Variants in RESP18 observed in about 807,000 individuals in gnomAD.
The protein encoded by RESP18 is regulated endocrine specific protein 18.
RESP18 carries 30 observed loss-of-function variants against 30.0 expected under a neutral mutation model. The ratio of observed to expected loss-of-function variants is 1.00; its 90% CI spans 0.75 to 1.36. The LOEUF is 1.36. Ranked by LOEUF, RESP18 falls within the 40% of genes most tolerant of loss-of-function variation. The pLI is 0.00. For missense variants in RESP18, 320 were observed against 284.2 expected (o/e 1.13, Z -0.91); for synonymous variants, 117 against 111.2 (o/e 1.05, Z -0.33).
At chr2:219,331,384 C>A (rs1309361828) in intron 2 of RESP18, among the ~76,000 whole-genome samples, 1 of 152,114 alleles carries the variant, frequency 6.6e-6, no homozygotes, top group Admixed American at 6.5e-5. Flanking sequence ...GGGAAGAGAA[C>A]CCCTAATGCT....
chr2:219,331,753 G>A lies in RESP18; in HGVS notation c.232+771C>T, dbSNP rs184146002. 1.9e-3 allele frequency among the ~76,000 whole-genome samples: 289 copies of A among 152,312 alleles called. 1 individual carries two copies. Among genetic ancestry groups the A allele is most frequent in the African/African-American group, 6.7e-3 (280 of 41,574 alleles). ...ACCCGGAGCGCGCCTGGCGCTGTCC[G>A]TGGTGCTGAGAGGTGGGGAGGCCAG... On this transcript the variant is annotated intron_variant, in intron 2 of 6. Coordinates refer to ENST00000333527, the MANE Select transcript of RESP18 (RefSeq NM_001007089.4).
intron 3 of RESP18, among the ~76,000 whole-genome samples, chr2:219,330,069 C>T (rs1409653550): frequency 1.3e-5 from 2 of 152,190 alleles, no homozygotes; most frequent in Non-Finnish European, 2.9e-5. Context: ...ATCAGAATCT[C>T]CTGCAAGGTC....
chr2:219,329,107 AT>A lies in RESP18; in HGVS notation c.555+55del, dbSNP rs1952803373. ...CCTCAATGCCCATTCCCTTCTTCCT[AT>A]CTGCCTCCCTCATTTAAACAGGTCC... is the stretch of plus-strand genomic sequence containing the variant. On this transcript the variant is annotated intron_variant, in intron 5 of 6. Coordinates refer to ENST00000333527, the MANE Select transcript of RESP18 (RefSeq NM_001007089.4). 4.0e-6 allele frequency: 6 copies of A among 1,502,566 alleles called. No homozygotes were observed. The South Asian group carries it at 7.2e-5, about 18-fold the overall frequency. 93.1% of individuals were successfully genotyped at this position (1,502,566 alleles called of 1,614,324 possible).
intron 3 of RESP18, among the ~76,000 whole-genome samples, chr2:219,330,517 C>G (rs562419115): frequency 2.0e-5 from 3 of 147,544 alleles, no homozygotes; most frequent in African/African-American, 8.0e-5. Context: ...GAGTTGGATG[C>G]TGGCCGTTTT....
At position 219,330,136 on chromosome 2, in the gene RESP18, T is replaced by C. The variant is rs530245454; in HGVS notation, c.338-372A>G. ...TAGGGCTTCTGATGCAGTAGGTCTGTGGTGAAGTTCAAAAATTCCCATTTC... is the reference window on the plus strand; with the variant it reads ...TAGGGCTTCTGATGCAGTAGGTCTGCGGTGAAGTTCAAAAATTCCCATTTC... On this transcript the variant is annotated intron_variant, in intron 3 of 6. Coordinates refer to ENST00000333527, the MANE Select transcript of RESP18 (RefSeq NM_001007089.4). Among the ~76,000 whole-genome samples, 8 of 152,370 alleles carry C rather than the reference T, an allele frequency of 5.3e-5. 2 individuals carry two copies. Among genetic ancestry groups the C allele is most frequent in the African/African-American group, 1.7e-4 (7 of 41,582 alleles).
intron 6 of RESP18, among the ~76,000 whole-genome samples, chr2:219,328,670 T>C (rs540468652): frequency 6.6e-6 from 1 of 152,098 alleles, no homozygotes; most frequent in Admixed American, 6.6e-5. Context: ...GAGTACTAGA[T>C]GGGCGGTTTC....
intron 1 of RESP18, 92 bp from the exon 1 acceptor site, chr2:219,332,836 C>T: frequency 1.0e-6 from 1 of 998,404 alleles, no homozygotes; most frequent in South Asian, 1.7e-5. Context: ...CCACCCTCAT[C>T]TCTTGGAATT....
At chr2:219,331,489 T>C (rs1012179971) in intron 2 of RESP18, among the ~76,000 whole-genome samples, 10 of 152,160 alleles carry the variant, frequency 6.6e-5, no homozygotes, top group African/African-American at 1.2e-4. Flanking sequence ...TCTGGACAGG[T>C]CTTTAGAAAA....
intron 6 of RESP18, among the ~76,000 whole-genome samples, chr2:219,328,394 T>C (rs1952794421): frequency 6.6e-6 from 1 of 152,106 alleles, no homozygotes; most frequent in African/African-American, 2.4e-5. Context: ...ATGCCCTTCC[T>C]TTACATCTTC....
rs2385405 is a variant in RESP18 at position 219,332,599 on chromosome 2, C to T, written c.157G>A (p.Glu53Lys). The change falls in exon 2 of 7, where the codon GAG becomes AAG. Residue 53 changes from glutamate to lysine, a missense_variant. Coordinates refer to ENST00000333527, the MANE Select transcript of RESP18 (RefSeq NM_001007089.4). ...AAGCAGACAAGCAGCTGGAGCCCCTCGGAGCTCCCAGGCCACAGTGGGTGC... is the reference window on the plus strand; with the variant it reads ...AAGCAGACAAGCAGCTGGAGCCCCTTGGAGCTCCCAGGCCACAGTGGGTGC... The T allele has an allele frequency of 0.31, 474,217 of 1,550,964 alleles. 85,079 individuals carry two copies. The highest frequency in any genetic ancestry group is 0.81 in the African/African-American group (59,335 of 73,036).
chr2:219,328,456 C>CT (rs1435311541), intron 6 of RESP18, among the ~76,000 whole-genome samples: 1 of 151,378 alleles, frequency 6.6e-6, no homozygotes, highest in Non-Finnish European at 1.5e-5. Context: ...AAAAAAACCT[C>CT]TTTTTTCAGT....
In RESP18 at chr2:219,332,549, C is replaced by T; in HGVS notation, c.207G>A (p.Gly69=). The stretch of plus-strand genomic sequence containing the variant: ...CGTGGGCACTAGTGTCGCTGCAGCC[C>T]CCCGGGCAGCTGTTCAGCAGCAGGA... The change falls in exon 2 of 7, where the codon GGG becomes GGA. Residue 69 remains glycine, a synonymous_variant. Transcript: ENST00000333527. 1.3e-6 allele frequency: 2 copies of T among 1,551,294 alleles called. No homozygotes were observed. Among genetic ancestry groups the T allele is most frequent in the East Asian group, 2.4e-5 (1 of 40,912 alleles).
chr2:219,328,143 G>T (rs1254480228), intron 6 of RESP18, among the ~76,000 whole-genome samples: 1 of 152,132 alleles, frequency 6.6e-6, no homozygotes, highest in Non-Finnish European at 1.5e-5. Flanking sequence ...ACATCACCAG[G>T]GTGGCCTTTT....
At chr2:219,328,166 C>T (rs955723928) in intron 6 of RESP18, among the ~76,000 whole-genome samples, 4 of 152,236 alleles carry the variant, frequency 2.6e-5, no homozygotes, top group African/African-American at 7.2e-5. Flanking sequence ...AATCATATCA[C>T]GTTGTGACAT....
At chr2:219,328,445 A>G (rs1465541891) in intron 6 of RESP18, among the ~76,000 whole-genome samples, 1 of 152,178 alleles carries the variant, frequency 6.6e-6, no homozygotes, top group Non-Finnish European at 1.5e-5. Flanking sequence ...AGTCCAAAAA[A>G]AAAAAAACCT....
At chr2:219,330,573 C>G (rs1384076807) in intron 3 of RESP18, among the ~76,000 whole-genome samples, 198 bp downstream of exon 2, 1 of 151,156 alleles carries the variant, frequency 6.6e-6, no homozygotes, top group Non-Finnish European at 1.5e-5. Context: ...TGGGCTCTTC[C>G]AAGGTGTTCT....
rs1311600632 is a variant in RESP18, at chr2:219,329,743, A to G, written c.359T>C (p.Ile120Thr). Residue 120 changes from isoleucine to threonine, a missense_variant, in exon 4 of 7, where the codon ATC becomes ACC. Ile to Thr is a moderately conservative substitution (Grantham distance 89). Transcript: ENST00000333527. Reference sequence around the variant, plus strand: ...CTTTTGGATCATTGCATCCTGGGTGATGTCATCCTTCCAGAACAGACCTGC... The same window carrying G: ...CTTTTGGATCATTGCATCCTGGGTGGTGTCATCCTTCCAGAACAGACCTGC... The G allele has an allele frequency of 1.3e-6, 2 of 1,551,508 alleles. No individual in the cohort carries two copies. Among genetic ancestry groups the G allele is most frequent in the African/African-American group, 2.7e-5 (2 of 73,022 alleles).
At chr2:219,333,111 ATATAATATTATATATTAT>A (rs1559316928) in intron 1 of RESP18, 255 of 1,232,770 alleles carry the variant, frequency 2.1e-4, no homozygotes, top group South Asian at 8.9e-4. Context: ...ATATATATAT[ATATAATATTATATATTAT>A]ATATTATATA....
At position 219,328,978 on chromosome 2, in the gene RESP18, C is replaced by T. The variant is rs1451318217; in HGVS notation, c.586G>A (p.Asp196Asn). The T allele has an allele frequency of 6.4e-7, 1 of 1,551,366 alleles. No individual in the cohort carries two copies. Among genetic ancestry groups the T allele is most frequent in the South Asian group, 1.2e-5 (1 of 84,048 alleles). Reference sequence around the variant, plus strand: ...GAGGGTCCCGGCGCCTGCATCATGTCCAGCCCCCCATATGAACACCTATAG... The same window carrying T: ...GAGGGTCCCGGCGCCTGCATCATGTTCAGCCCCCCATATGAACACCTATAG... The change falls in exon 6 of 7, where the codon GAC (aspartate) becomes AAC (asparagine). Residue 196 changes from aspartate (D) to asparagine (N), a missense_variant. By Grantham distance (23) the Asp-to-Asn change is conservative. Transcript: ENST00000333527.
Sources: allele counts gnomAD v4.1 joint callset (sites outside exome capture counted in the v4.1 genomes callset), GRCh38; gene constraint gnomAD v4.1.1; transcripts MANE v1.5; gene names NCBI Gene and HGNC (gene_info 2026-07-23, HGNC 2026-07-21).